SUGCT: variants seen among roughly 807,000 people sequenced by gnomAD.
The protein encoded by SUGCT is succinyl-CoA:glutarate-CoA transferase.
Under a neutral mutation model 55.0 loss-of-function variants are expected in SUGCT, and 41 were observed. That is an observed-to-expected ratio of 0.74 (90% CI 0.58 to 0.97). SUGCT has a LOEUF of 0.97. Ranked by LOEUF, SUGCT falls within the 50% of genes least tolerant of loss-of-function variation. The pLI, the probability that SUGCT is intolerant of heterozygous loss-of-function variation, is 0.00. For missense variants in SUGCT, 568 were observed against 547.8 expected (o/e 1.04, Z -0.37); for synonymous variants, 187 against 200.4 (o/e 0.93, Z 0.56).
chr7:40,335,684 C>G (rs964354227), intron 9 of SUGCT, among the ~76,000 whole-genome samples: 2 of 152,162 alleles, frequency 1.3e-5, no homozygotes, highest in African/African-American at 4.8e-5. Context: ...ACAATCATGT[C>G]ATCTGCAAAC....
At chr7:40,276,768 A>G (rs1288476428) in intron 8 of SUGCT, among the ~76,000 whole-genome samples, 1 of 151,758 alleles carries the variant, frequency 6.6e-6, no homozygotes, top group African/African-American at 2.4e-5. Context: ...ACACACAGGT[A>G]TATAGTCAAT....
chr7:40,209,121 G>A (rs1787184755), intron 6 of SUGCT, among the ~76,000 whole-genome samples: 1 of 152,186 alleles, frequency 6.6e-6, no homozygotes, highest in Non-Finnish European at 1.5e-5. Flanking sequence ...TTCAGTTGGT[G>A]CTTTCTGGAG....
chr7:40,968,510 A>T, the SUGCT span, among the ~76,000 whole-genome samples: 1 of 152,188 alleles, frequency 6.6e-6, no homozygotes, highest in Non-Finnish European at 1.5e-5. Context: ...TGAGAAACTA[A>T]TGCAGTGCAA....
At chr7:40,822,434 G>A (rs1212003745) in intron 13 of SUGCT, among the ~76,000 whole-genome samples, 1 of 152,140 alleles carries the variant, frequency 6.6e-6, no homozygotes, top group East Asian at 1.9e-4. Context: ...CTTGCTTTAT[G>A]AATCTGGGTG....
chr7:40,902,898 G>C, the SUGCT span, among the ~76,000 whole-genome samples: 1 of 152,074 alleles, frequency 6.6e-6, no homozygotes, highest in Admixed American at 6.5e-5. Context: ...GTTAAAACTA[G>C]AAAACACCAT....
chr7:40,967,445 C>G, the SUGCT span, among the ~76,000 whole-genome samples: 33 of 152,136 alleles, frequency 2.2e-4, no homozygotes, highest in Admixed American at 6.5e-4. Context: ...AAACTGATAA[C>G]CAGATCCTCC....
chr7:40,599,984 G>A (rs1230685410), intron 12 of SUGCT, among the ~76,000 whole-genome samples: 1 of 152,178 alleles, frequency 6.6e-6, no homozygotes, highest in African/African-American at 2.4e-5. Context: ...CATGTGAGGA[G>A]AATGCTTCTC....
chr7:40,850,250 G>A (rs999323286), intron 13 of SUGCT, among the ~76,000 whole-genome samples: 1 of 152,140 alleles, frequency 6.6e-6, no homozygotes, highest in South Asian at 2.1e-4. Flanking sequence ...CTGTCTGAGT[G>A]TGAATCATAG....
At chr7:40,702,583 A>G (rs2128663522) in intron 12 of SUGCT, among the ~76,000 whole-genome samples, 1 of 152,256 alleles carries the variant, frequency 6.6e-6, no homozygotes, top group Non-Finnish European at 1.5e-5. Context: ...ATTTATGTGC[A>G]TTTTAAAAGC....
At chr7:40,384,784 A>G (rs1353862585) in intron 9 of SUGCT, among the ~76,000 whole-genome samples, 1 of 151,730 alleles carries the variant, frequency 6.6e-6, no homozygotes, top group African/African-American at 2.4e-5. Flanking sequence ...ACCTCAAGTG[A>G]TCCGCGTGCC....
intron 12 of SUGCT, among the ~76,000 whole-genome samples, chr7:40,722,491 T>C (rs531834950): frequency 6.6e-6 from 1 of 152,294 alleles, no homozygotes; most frequent in Admixed American, 6.5e-5. Context: ...AAACAGTCAG[T>C]TTTAGACCAA....
intron 9 of SUGCT, among the ~76,000 whole-genome samples, chr7:40,323,603 G>C (rs1795860281): frequency 6.6e-6 from 1 of 152,030 alleles, no homozygotes; most frequent in Admixed American, 6.6e-5. Flanking sequence ...ATCTTGCCCA[G>C]GCTGGTCTTG....
intron 9 of SUGCT, among the ~76,000 whole-genome samples, chr7:40,392,149 G>T (rs1158981001): frequency 1.3e-5 from 2 of 152,114 alleles, no homozygotes; most frequent in African/African-American, 4.8e-5. Flanking sequence ...TGGGGAGATG[G>T]GGGAGGGATA....
At chr7:40,785,929 C>CA (rs1459112956) in intron 13 of SUGCT, among the ~76,000 whole-genome samples, 2 of 151,866 alleles carry the variant, frequency 1.3e-5, no homozygotes, top group African/African-American at 4.8e-5. Flanking sequence ...CACCAAAAAA[C>CA]AAAAAATTAA....
intron 12 of SUGCT, among the ~76,000 whole-genome samples, chr7:40,518,802 C>T (rs959118167): frequency 4.0e-5 from 6 of 151,868 alleles, no homozygotes; most frequent in African/African-American, 1.5e-4. Flanking sequence ...AAAAAGAACT[C>T]CCAATGGCCA....
rs138984553 is a variant in SUGCT at position 40,440,145 on chromosome 7, G to GTTTTTTT, written c.817-9116_817-9110dup. Among the ~76,000 whole-genome samples the GTTTTTTT allele has an allele frequency of 1.3e-3, 87 of 68,454 alleles. 8 individuals carry two copies. The highest frequency in any genetic ancestry group is 5.5e-3 in the African/African-American group (82 of 14,926). 44.9% of individuals were successfully genotyped at this position (68,454 alleles called of 152,430 possible). A position where few individuals can be genotyped will look rare whatever the true frequency, so the allele number is the denominator to read the frequency against. On this transcript the variant is annotated intron_variant, in intron 9 of 13. Coordinates refer to ENST00000335693, the MANE Select transcript of SUGCT (RefSeq NM_001193313.2). ...TCAAGTTTTTTGTCTGTGTGTGTGT[G>GTTTTTTT]TTTTTTTTTTTTTTTTTTTTTTTTT...
chr7:40,609,952 T>C (rs1246711808), intron 12 of SUGCT, among the ~76,000 whole-genome samples: 3 of 152,236 alleles, frequency 2.0e-5, no homozygotes, highest in Non-Finnish European at 2.9e-5. Flanking sequence ...GCCACAAAGC[T>C]CAATTCAGTT....
intron 13 of SUGCT, among the ~76,000 whole-genome samples, chr7:40,759,019 C>T (rs758738927): frequency 2.0e-5 from 3 of 152,062 alleles, no homozygotes; most frequent in Non-Finnish European, 2.9e-5. Context: ...AATAGCAGGA[C>T]ATTTTGGGCA....
At chr7:40,459,796 A>AT (rs1321139702) in intron 11 of SUGCT, among the ~76,000 whole-genome samples, 2 of 152,028 alleles carry the variant, frequency 1.3e-5, no homozygotes, top group Non-Finnish European at 2.9e-5. Flanking sequence ...TTTTATTTCC[A>AT]TTTTTTTCCA....
Sources: gnomAD v4.1 joint callset for allele counts (sites outside exome capture counted in the v4.1 genomes callset) on GRCh38, gnomAD v4.1.1 for gene constraint, MANE v1.5 for transcripts, NCBI Gene and HGNC (gene_info 2026-07-23, HGNC 2026-07-21) for gene names.